CACNB2: variants seen among roughly 807,000 people sequenced by gnomAD.
The protein encoded by CACNB2 is voltage-dependent L-type calcium channel subunit beta-2.
CACNB2 carries 42 observed loss-of-function variants against 73.3 expected under a neutral mutation model. That is an observed-to-expected ratio of 0.57 (90% confidence interval 0.45 to 0.74). The LOEUF is 0.74. Among genes scored for constraint, CACNB2 ranks in the 30% least tolerant of loss-of-function variants. CACNB2 has a pLI of 0.00. For synonymous variants in CACNB2, 348 were observed against 310.3 expected, an observed-to-expected ratio of 1.12 and a Z score of -1.28; for missense variants, 940 against 853.0, an observed-to-expected ratio of 1.10 and a Z score of -1.27.
At chr10:18,166,381 G>A (rs536274212) in intron 2 of CACNB2, among the ~76,000 whole-genome samples, 4 of 151,978 alleles carry the variant, frequency 2.6e-5, no homozygotes, top group Admixed American at 6.5e-5. Context: ...TCAGCCTCCC[G>A]AGTAACTGGG....
At chr10:18,516,778 G>C (rs888455867) in intron 7 of CACNB2, among the ~76,000 whole-genome samples, 2 of 150,674 alleles carry the variant, frequency 1.3e-5, no homozygotes, top group African/African-American at 4.9e-5. Flanking sequence ...TGGTGCTTGT[G>C]TGGTACGTGT....
At chr10:18,417,709 A>G (rs16917323) in intron 3 of CACNB2, among the ~76,000 whole-genome samples, 2,164 of 152,200 alleles carry the variant, frequency 0.014, 75 homozygotes, top group South Asian at 0.12. Flanking sequence ...TATCCTTTTC[A>G]TGGTTAAATG....
intron 2 of CACNB2, among the ~76,000 whole-genome samples, chr10:18,249,400 T>A (rs201732838): frequency 7.8e-6 from 1 of 127,484 alleles, no homozygotes; most frequent in African/African-American, 3.1e-5. Flanking sequence ...GAAAAAAAAA[T>A]GTCTTATTCC....
chr10:18,393,690 A>G (rs1486514543), intron 2 of CACNB2, among the ~76,000 whole-genome samples: 1 of 152,158 alleles, frequency 6.6e-6, no homozygotes, highest in Admixed American at 6.6e-5. Flanking sequence ...CAGCTTGCCA[A>G]AGTTCTATTC....
intron 2 of CACNB2, among the ~76,000 whole-genome samples, chr10:18,263,487 T>C (rs996252062): frequency 6.6e-6 from 1 of 152,214 alleles, no homozygotes; most frequent in Non-Finnish European, 1.5e-5. Context: ...CATATATCTG[T>C]TAGATCTAAT....
chr10:18,219,692 A>G (rs2035651251), intron 2 of CACNB2, among the ~76,000 whole-genome samples: 3 of 151,994 alleles, frequency 2.0e-5, no homozygotes, highest in Admixed American at 2.0e-4. Context: ...TTTTACACTT[A>G]TAATTCCCTC....
chr10:18,304,251 C>T (rs2039641165), intron 2 of CACNB2, among the ~76,000 whole-genome samples: 1 of 152,136 alleles, frequency 6.6e-6, no homozygotes, highest in Non-Finnish European at 1.5e-5. Flanking sequence ...CCACTTCACC[C>T]GGCCTAATCA....
intron 2 of CACNB2, among the ~76,000 whole-genome samples, chr10:18,272,973 A>C (rs1430178517): frequency 6.6e-6 from 1 of 152,208 alleles, no homozygotes; most frequent in African/African-American, 2.4e-5. Flanking sequence ...ATAGACTCTG[A>C]ATCTCAGGGA....
chr10:18,277,152 C>T (rs1273869765), intron 2 of CACNB2, among the ~76,000 whole-genome samples: 3 of 152,062 alleles, frequency 2.0e-5, no homozygotes, highest in Admixed American at 6.6e-5. Context: ...CATGGCAAGC[C>T]AAATTCTGAG....
At chr10:18,188,187 A>G (rs1286244145) in intron 2 of CACNB2, among the ~76,000 whole-genome samples, 1 of 151,298 alleles carries the variant, frequency 6.6e-6, no homozygotes, top group Non-Finnish European at 1.5e-5. Flanking sequence ...TTGCTTGCTT[A>G]TCTCCTTCCT....
At position 18,412,498 on chromosome 10, in the gene CACNB2, C is replaced by T. The variant is rs146649838; in HGVS notation, c.333+10455C>T. Reference sequence around the variant, plus strand: ...TTCTTCCCTACTTACTCTTTAACACCGTGAAACTGATTTCTGTCTCCATCT... The same window carrying T: ...TTCTTCCCTACTTACTCTTTAACACTGTGAAACTGATTTCTGTCTCCATCT... On this transcript the variant is annotated intron_variant, in intron 3 of 13. Transcript: ENST00000324631. Among the ~76,000 whole-genome samples, 106 of 152,292 alleles carry T rather than the reference C, an allele frequency of 7.0e-4. 1 individual carries two copies. Among genetic ancestry groups the T allele is most frequent in the East Asian group, 6.2e-3 (32 of 5,190 alleles).
At chr10:18,239,426 G>T (rs2036566504) in intron 2 of CACNB2, among the ~76,000 whole-genome samples, 1 of 152,070 alleles carries the variant, frequency 6.6e-6, no homozygotes, top group African/African-American at 2.4e-5. Flanking sequence ...TTTCACTTAA[G>T]ACAATGGCCT....
chr10:18,520,239 T>C (rs2051717994), intron 9 of CACNB2, among the ~76,000 whole-genome samples: 1 of 152,234 alleles, frequency 6.6e-6, no homozygotes, highest in Non-Finnish European at 1.5e-5. Flanking sequence ...ACTCCTCCCA[T>C]GGTCTTCCCT....
At chr10:18,411,880 C>G (rs2044651215) in intron 3 of CACNB2, among the ~76,000 whole-genome samples, 2 of 152,192 alleles carry the variant, frequency 1.3e-5, no homozygotes, top group Non-Finnish European at 2.9e-5. Flanking sequence ...ACTACACTAT[C>G]AGCAAAATCC....
In CACNB2 at chr10:18,275,521, T is replaced by C. The variant is rs922688779; in HGVS notation, c.213+124546T>C. Among the ~76,000 whole-genome samples the C allele has an allele frequency of 2.6e-5, 4 of 152,272 alleles. No individual in the cohort carries two copies. In the East Asian group the frequency reaches 7.7e-4, roughly 29 times the overall value. On this transcript the variant is annotated intron_variant, in intron 2 of 13. Coordinates refer to ENST00000324631, the MANE Select transcript of CACNB2 (RefSeq NM_201596.3). ...GATGCTGGGCTTAATACCTAGGTGA[T>C]GGGATGATCTTTGAAGCAAACCACC...
intron 2 of CACNB2, among the ~76,000 whole-genome samples, chr10:18,155,474 T>C (rs2031967691): frequency 2.0e-5 from 3 of 152,226 alleles, no homozygotes; most frequent in African/African-American, 7.2e-5. Flanking sequence ...TTGGTAGACA[T>C]TGGGCCATTT....
intron 3 of CACNB2, among the ~76,000 whole-genome samples, chr10:18,458,084 A>T (rs1482095399): frequency 6.6e-6 from 1 of 152,238 alleles, no homozygotes; most frequent in Non-Finnish European, 1.5e-5. Context: ...AAATCATTTA[A>T]CCAATTCTGC....
intron 2 of CACNB2, among the ~76,000 whole-genome samples, chr10:18,163,667 G>A (rs2032639659): frequency 6.6e-6 from 1 of 152,168 alleles, no homozygotes. Context: ...CCTACAGAAA[G>A]GTTATATAGG....
intron 2 of CACNB2, among the ~76,000 whole-genome samples, chr10:18,246,361 C>A (rs1370936420): frequency 6.6e-6 from 1 of 151,932 alleles, no homozygotes; most frequent in Admixed American, 6.6e-5. Context: ...AGGGAACTTC[C>A]AAATTTTGAG....
Sources: gnomAD v4.1 joint callset for allele counts (sites outside exome capture counted in the v4.1 genomes callset) on GRCh38, gnomAD v4.1.1 for gene constraint, MANE v1.5 for transcripts, NCBI Gene and HGNC (gene_info 2026-07-23, HGNC 2026-07-21) for gene names.